Variants in PIP4K2B observed in about 807,000 individuals in gnomAD.
The protein encoded by PIP4K2B is phosphatidylinositol-5-phosphate 4-kinase type 2 beta, also known as phosphatidylinositol 5-phosphate 4-kinase type-2 beta.
Under a neutral mutation model 42.0 loss-of-function variants are expected in PIP4K2B, and 3 were observed. That is an observed-to-expected ratio of 0.07 (90% CI 0.03 to 0.18). PIP4K2B has a LOEUF of 0.18. Among genes scored for constraint, PIP4K2B ranks in the 10% least tolerant of loss-of-function variants. The probability of loss-of-function intolerance (pLI) is 1.00; values close to 1 mark genes in which losing one functional copy is unlikely to be tolerated. For synonymous variants in PIP4K2B, 204 were observed against 210.1 expected, an observed-to-expected ratio of 0.97 and a Z score of 0.25; for missense variants, 332 against 562.3, an observed-to-expected ratio of 0.59 and a Z score of 4.14.
At chr17:38,797,282 A>G (rs1910704580) in intron 1 of PIP4K2B, among the ~76,000 whole-genome samples, 1 of 152,186 alleles carries the variant, frequency 6.6e-6, no homozygotes, top group African/African-American at 2.4e-5. Context: ...AAACTTCATA[A>G]CCACATATGG....
At chr17:38,789,352 C>T (rs1267396567) in intron 1 of PIP4K2B, among the ~76,000 whole-genome samples, 1 of 152,206 alleles carries the variant, frequency 6.6e-6, no homozygotes, top group Non-Finnish European at 1.5e-5. Flanking sequence ...TCTAATTAAC[C>T]ACAGATGTCC....
chr17:38,781,520 G>C lies in PIP4K2B; in HGVS notation c.355-916C>G, dbSNP rs1909713541. 6.6e-5 allele frequency among the ~76,000 whole-genome samples: 10 copies of C among 152,046 alleles called. No individual in the cohort carries two copies. In the South Asian group the frequency reaches 2.1e-3, roughly 32 times the overall value. ...TTCCCCATCTCTTAATGAGGATCCT[G>C]TTATTATTTTTGTAGAGACAGGGTC... On this transcript the variant is annotated intron_variant, in intron 3 of 9. Coordinates refer to ENST00000619039, the MANE Select transcript of PIP4K2B (RefSeq NM_003559.5).
In PIP4K2B at chr17:38,784,343, G is replaced by T. The variant is rs1567659021; in HGVS notation, c.258-4C>A. 1.3e-6 allele frequency: 2 copies of T among 1,576,734 alleles called. No homozygotes were observed. The highest frequency in any genetic ancestry group is 8.7e-7 in the Non-Finnish European group (1 of 1,146,146). ...AAAGCGGCTGGGCAGGTTCTCCCTA[G>T]GGAAAAGCAGAGATATGTCTTTGTG... On this transcript the variant is annotated splice_region_variant and splice_polypyrimidine_tract_variant and intron_variant, in intron 2 of 9. Coordinates refer to ENST00000619039, the MANE Select transcript of PIP4K2B (RefSeq NM_003559.5).
At chr17:38,786,545 C>T (rs982137506) in intron 2 of PIP4K2B, among the ~76,000 whole-genome samples, 1 of 152,232 alleles carries the variant, frequency 6.6e-6, no homozygotes, top group Non-Finnish European at 1.5e-5. Flanking sequence ...CAGCTCACTG[C>T]CACCTGAGCT....
chr17:38,792,151 C>CTTGACTGATTGA (rs139755570), intron 1 of PIP4K2B, among the ~76,000 whole-genome samples: 1 of 151,208 alleles, frequency 6.6e-6, no homozygotes, highest in African/African-American at 2.4e-5. Flanking sequence ...ATGAAAATTC[C>CTTGACTGATTGA]TTGATTGATT....
In PIP4K2B at chr17:38,771,120, A is replaced by G. The variant is rs1414991126; in HGVS notation, c.960T>C (p.Tyr320=). 6.2e-7 allele frequency: 1 copy of G among 1,614,034 alleles called. No individual in the cohort carries two copies. The highest frequency in any genetic ancestry group is 8.5e-7 in the Non-Finnish European group (1 of 1,180,016). ...DGVGGNLLCS[Y]GTPPDSPGNL... ...TGCCAGGGCTGTCCGGAGGTGTGCC[A>G]TAGGAGCAGAGTAGGTTGCCACCCA... The change falls in exon 8 of 10, where the codon TAT becomes TAC. Residue 320 remains tyrosine, a synonymous_variant. Transcript: ENST00000619039.
At chr17:38,784,471 A>G (rs974521204) in intron 2 of PIP4K2B, 132 bp from the exon 3 acceptor site, 4 of 561,806 alleles carry the variant, frequency 7.1e-6, no homozygotes, top group Non-Finnish European at 1.3e-5. Context: ...CCTGGCTTCA[A>G]GCGATCCTCC....
intron 1 of PIP4K2B, among the ~76,000 whole-genome samples, chr17:38,798,064 G>A (rs535956721): frequency 6.6e-6 from 1 of 152,028 alleles, no homozygotes; most frequent in Non-Finnish European, 1.5e-5. Flanking sequence ...ACGGTTCATC[G>A]ATCTCCACCC....
chr17:38,774,689 G>A (rs1244789258), intron 7 of PIP4K2B, among the ~76,000 whole-genome samples: 1 of 151,894 alleles, frequency 6.6e-6, no homozygotes, highest in Non-Finnish European at 1.5e-5. Flanking sequence ...AGAATGGCGT[G>A]AACCCGGGAG....
chr17:38,796,654 C>A, intron 1 of PIP4K2B, among the ~76,000 whole-genome samples: 1 of 152,186 alleles, frequency 6.6e-6, no homozygotes, highest in Non-Finnish European at 1.5e-5. Context: ...ACACCAAGTT[C>A]AAAGTCCTCT....
chr17:38,785,376 A>C (rs946816505), intron 2 of PIP4K2B, among the ~76,000 whole-genome samples: 2 of 152,180 alleles, frequency 1.3e-5, no homozygotes, highest in African/African-American at 4.8e-5. Flanking sequence ...GAATCTAATA[A>C]ATAGCACATA....
intron 2 of PIP4K2B, among the ~76,000 whole-genome samples, chr17:38,785,399 A>C (rs228302): frequency 1 from 152,350 of 152,366 alleles, 76,167 homozygotes; most frequent in Middle Eastern, 1. Flanking sequence ...GGGCTGGGCA[A>C]GGTGGCTCCT....
chr17:38,782,838 A>G (rs896076899), intron 3 of PIP4K2B, among the ~76,000 whole-genome samples: 1 of 152,120 alleles, frequency 6.6e-6, no homozygotes, highest in Non-Finnish European at 1.5e-5. Flanking sequence ...ACTGTGCTAT[A>G]CACTAGGTTT....
At chr17:38,772,619 GTCACCAGGCTAGA>G (rs1909108830) in intron 7 of PIP4K2B, among the ~76,000 whole-genome samples, 1 of 152,128 alleles carries the variant, frequency 6.6e-6, no homozygotes, top group African/African-American at 2.4e-5. Flanking sequence ...GTCTTGCTCT[GTCACCAGGCTAGA>G]GTGCACTGGT....
intron 1 of PIP4K2B, chr17:38,792,865 C>T (rs1910411815): frequency 6.6e-6 from 1 of 152,284 alleles, no homozygotes; most frequent in African/African-American, 2.4e-5. Flanking sequence ...CCCACTGCTC[C>T]CTGTGAGGTG....
In PIP4K2B at chr17:38,779,096, A is replaced by G. The variant is rs149942746; in HGVS notation, c.654+287T>C. Among the ~76,000 whole-genome samples, 1,125 of 152,346 alleles carry G rather than the reference A, an allele frequency of 7.4e-3. 16 individuals are homozygous for G. The highest frequency in any genetic ancestry group is 0.026 in the African/African-American group (1,063 of 41,586). ...AGTCCATGGGGGCCTGATGGATGCT[A>G]AAGTGCATGCGTCAGCACGGCCTCC... On this transcript the variant is annotated intron_variant, in intron 5 of 9. Coordinates refer to ENST00000619039, the MANE Select transcript of PIP4K2B (RefSeq NM_003559.5).
chr17:38,789,956 G>T (rs1346476684), intron 1 of PIP4K2B, among the ~76,000 whole-genome samples: 2 of 152,092 alleles, frequency 1.3e-5, no homozygotes, highest in African/African-American at 4.8e-5. Flanking sequence ...GGGGCGGGGG[G>T]TGCTGAGTGT....
intron 7 of PIP4K2B, chr17:38,776,034 G>A: frequency 2.2e-6 from 1 of 448,538 alleles, no homozygotes; most frequent in Non-Finnish European, 4.5e-6. Flanking sequence ...TGTTGCCCAA[G>A]CTGGAGGGTC....
At chr17:38,783,413 A>G (rs1007926779) in intron 3 of PIP4K2B, among the ~76,000 whole-genome samples, 2 of 152,002 alleles carry the variant, frequency 1.3e-5, no homozygotes, top group African/African-American at 4.8e-5. Context: ...CCTCTACAAC[A>G]CTGTCACGCC....
Sources: gnomAD v4.1 joint callset for allele counts (sites outside exome capture counted in the v4.1 genomes callset) on GRCh38, gnomAD v4.1.1 for gene constraint, MANE v1.5 for transcripts, NCBI Gene and HGNC (gene_info 2026-07-23, HGNC 2026-07-21) for gene names.